NUDCD1: variants seen among roughly 807,000 people sequenced by gnomAD.
The protein encoded by NUDCD1 is NudC domain containing 1.
A neutral mutation model predicts 67.8 loss-of-function variants in NUDCD1; 60 were observed. The ratio of observed to expected loss-of-function variants is 0.88; its 90% CI spans 0.72 to 1.10. The LOEUF is 1.10. Among genes scored for constraint, NUDCD1 ranks in the 50% least tolerant of loss-of-function variants. NUDCD1 has a pLI of 0.00. For missense variants in NUDCD1, 643 were observed against 695.0 expected, an observed-to-expected ratio of 0.93 and a Z score of 0.84; for synonymous variants, 244 against 230.8, an observed-to-expected ratio of 1.06 and a Z score of -0.52.
At chr8:109,270,090 A>AGGGGGGGGGGGGGG (rs1563665962) in intron 8 of NUDCD1, among the ~76,000 whole-genome samples, 3 of 7,608 alleles carry the variant, frequency 3.9e-4, no homozygotes, top group African/African-American at 1.7e-3. Flanking sequence ...GGGTGCCTTA[A>AGGGGGGGGGGGGGG]GGTGGGGTGT....
At chr8:109,302,220 A>C (rs1178522991) in intron 2 of NUDCD1, among the ~76,000 whole-genome samples, 1 of 152,158 alleles carries the variant, frequency 6.6e-6, no homozygotes, top group East Asian at 1.9e-4. Flanking sequence ...AATGATTCTA[A>C]ATAGCCAGAA....
chr8:109,257,868 T>C (rs979259759), intron 8 of NUDCD1, among the ~76,000 whole-genome samples: 1 of 152,142 alleles, frequency 6.6e-6, no homozygotes, highest in African/African-American at 2.4e-5. Context: ...TAAAACTTTA[T>C]TTATAAAAAC....
intron 2 of NUDCD1, among the ~76,000 whole-genome samples, chr8:109,314,200 C>T (rs970790884): frequency 4.6e-5 from 7 of 152,028 alleles, no homozygotes; most frequent in African/African-American, 1.7e-4. Flanking sequence ...TTTCTTTTTC[C>T]TCACAAAAAG....
intron 8 of NUDCD1, among the ~76,000 whole-genome samples, chr8:109,257,289 C>T (rs1228238594): frequency 1.3e-5 from 2 of 152,068 alleles, no homozygotes; most frequent in African/African-American, 2.4e-5. Flanking sequence ...GATAATTTAT[C>T]GAAGTTACAA....
At chr8:109,267,484 G>A (rs1191877961) in intron 8 of NUDCD1, among the ~76,000 whole-genome samples, 1 of 152,170 alleles carries the variant, frequency 6.6e-6, no homozygotes, top group Non-Finnish European at 1.5e-5. Context: ...AAGTAGTTTG[G>A]AGATTTCTCA....
intron 8 of NUDCD1, among the ~76,000 whole-genome samples, chr8:109,265,162 A>C: frequency 6.6e-6 from 1 of 152,068 alleles, no homozygotes; most frequent in Non-Finnish European, 1.5e-5. Flanking sequence ...ATTAATTTTA[A>C]TTACAAATGA....
intron 2 of NUDCD1, among the ~76,000 whole-genome samples, chr8:109,319,410 G>A (rs747356265): frequency 1.7e-4 from 26 of 152,208 alleles, no homozygotes; most frequent in Non-Finnish European, 2.5e-4. Context: ...GCCTAAATTA[G>A]CTGGCCTTGT....
At chr8:109,317,997 G>T (rs1815441779) in intron 2 of NUDCD1, among the ~76,000 whole-genome samples, 1 of 152,094 alleles carries the variant, frequency 6.6e-6, no homozygotes, top group Non-Finnish European at 1.5e-5. Flanking sequence ...CTTATATGTA[G>T]AAGTATAAGT....
chr8:109,293,330 G>C lies in NUDCD1; in HGVS notation c.640+14C>G. Reference sequence around the variant, plus strand: ...ATGCCAACCAGTAGAGACAGATTCAGACTTTTGTTTTACCTTGATTTTTCT... The same window carrying C: ...ATGCCAACCAGTAGAGACAGATTCACACTTTTGTTTTACCTTGATTTTTCT... On this transcript the variant is annotated intron_variant, in intron 4 of 9. Coordinates refer to ENST00000239690, the MANE Select transcript of NUDCD1 (RefSeq NM_032869.4). 6.8e-7 allele frequency: 1 copy of C among 1,471,508 alleles called. No individual in the cohort carries two copies. Among genetic ancestry groups the C allele is most frequent in the Non-Finnish European group, 9.2e-7 (1 of 1,084,546 alleles). The allele number at this position is 1,471,508 out of a possible 1,614,324, so 91.2% of individuals were successfully genotyped here.
chr8:109,281,220 C>T lies in NUDCD1; in HGVS notation c.824-48G>A, dbSNP rs191041551. On this transcript the variant is annotated intron_variant, in intron 5 of 9. Coordinates refer to ENST00000239690, the MANE Select transcript of NUDCD1 (RefSeq NM_032869.4). Reference sequence around the variant, plus strand: ...TCATGTAATAAAAAATTAGAGAAAGCATACACACACACAAAACCTATCTAA... The same window carrying T: ...TCATGTAATAAAAAATTAGAGAAAGTATACACACACACAAAACCTATCTAA... The T allele has an allele frequency of 3.4e-5, 41 of 1,195,156 alleles. No individual in the cohort carries two copies. The Middle Eastern group carries it at 2.5e-3, about 74-fold the overall frequency. 74.0% of individuals were successfully genotyped at this position (1,195,156 alleles called of 1,614,324 possible). A position where few individuals can be genotyped will look rare whatever the true frequency, so the allele number is the denominator to read the frequency against.
chr8:109,319,787 A>G (rs1010494721), intron 2 of NUDCD1, among the ~76,000 whole-genome samples: 1 of 152,226 alleles, frequency 6.6e-6, no homozygotes, highest in African/African-American at 2.4e-5. Context: ...AAGAATATAT[A>G]TCATTTCATC....
chr8:109,322,532 C>A, intron 1 of NUDCD1, 69 bp from the exon 2 acceptor site: 1 of 1,226,106 alleles, frequency 8.2e-7, no homozygotes, highest in Non-Finnish European at 1.1e-6. Context: ...CTGTAGAATG[C>A]CTACAAGGCA....
chr8:109,244,306 G>A (rs1034021039), intron 9 of NUDCD1, among the ~76,000 whole-genome samples: 5 of 152,178 alleles, frequency 3.3e-5, no homozygotes, highest in African/African-American at 1.2e-4. Context: ...TCTAATATAT[G>A]TTGATTTAAC....
At chr8:109,294,858 C>T (rs1050684016) in intron 3 of NUDCD1, among the ~76,000 whole-genome samples, 13 of 152,020 alleles carry the variant, frequency 8.6e-5, no homozygotes, top group Non-Finnish European at 1.5e-5. Context: ...ATCACTTCTA[C>T]TTTTAGCTTC....
intron 5 of NUDCD1, among the ~76,000 whole-genome samples, chr8:109,289,043 C>T (rs971746429): frequency 6.6e-6 from 1 of 151,386 alleles, no homozygotes; most frequent in Admixed American, 6.6e-5. Context: ...TGGCACAATC[C>T]TGGCTCACAA....
intron 7 of NUDCD1, among the ~76,000 whole-genome samples, chr8:109,274,912 T>G (rs1814243592): frequency 6.6e-6 from 1 of 152,138 alleles, no homozygotes; most frequent in African/African-American, 2.4e-5. Context: ...TCACAATGAA[T>G]TACATTATAA....
chr8:109,254,814 A>T (rs901248773), intron 8 of NUDCD1, among the ~76,000 whole-genome samples: 1 of 152,152 alleles, frequency 6.6e-6, no homozygotes, highest in African/African-American at 2.4e-5. Flanking sequence ...AATAATATTA[A>T]TAAAAAGGTT....
chr8:109,252,681 A>G (rs557337948), intron 8 of NUDCD1, among the ~76,000 whole-genome samples: 16 of 152,160 alleles, frequency 1.1e-4, no homozygotes, highest in Non-Finnish European at 2.1e-4. Flanking sequence ...TTACCCACTT[A>G]CATGGCAGTC....
rs779721767 is a variant in NUDCD1 at position 109,241,786 on chromosome 8, C to G, written c.*1223G>C. Reference sequence around the variant, plus strand: ...AAGATATGTTAGGAACAAAGCTTTTCTATCTTATATTTCTTATCTTAATCT... The same window carrying G: ...AAGATATGTTAGGAACAAAGCTTTTGTATCTTATATTTCTTATCTTAATCT... On this transcript the variant is annotated 3_prime_UTR_variant, in exon 10 of 10. Transcript: ENST00000239690. The G allele has an allele frequency of 1.0e-4, 30 of 287,278 alleles. No homozygotes were observed. The highest frequency in any genetic ancestry group is 3.6e-4 in the Admixed American group (7 of 19,616). 17.8% of individuals were successfully genotyped at this position (287,278 alleles called of 1,614,324 possible).
Sources: gnomAD v4.1 joint callset for allele counts (sites outside exome capture counted in the v4.1 genomes callset) on GRCh38, gnomAD v4.1.1 for gene constraint, MANE v1.5 for transcripts, NCBI Gene and HGNC (gene_info 2026-07-23, HGNC 2026-07-21) for gene names.